The following PPP4R1 variants were observed in gnomAD, a reference collection of about 807,000 sequenced individuals.
The protein encoded by PPP4R1 is protein phosphatase 4 regulatory subunit 1.
A neutral mutation model predicts 111.2 loss-of-function variants in PPP4R1; 42 were observed. The ratio of observed to expected loss-of-function variants is 0.38; its 90% CI spans 0.29 to 0.49. The LOEUF is 0.49. Ranked by LOEUF, PPP4R1 falls within the 20% of genes least tolerant of loss-of-function variation. The pLI, the probability that PPP4R1 is intolerant of heterozygous loss-of-function variation, is 0.97. For missense variants in PPP4R1, 1,012 were observed against 1,161.6 expected (o/e 0.87, Z 1.87); for synonymous variants, 409 against 405.5 (o/e 1.01, Z -0.10).
intron 10 of PPP4R1, among the ~76,000 whole-genome samples, chr18:9,572,752 TCA>T (rs1354213408): frequency 6.6e-6 from 1 of 152,212 alleles, no homozygotes. Flanking sequence ...ACCATTATTT[TCA>T]CAAACAGGTG....
chr18:9,608,232 T>C lies in PPP4R1; in HGVS notation c.52+5994A>G, dbSNP rs2067517692. Among the ~76,000 whole-genome samples the C allele has an allele frequency of 2.0e-5, 3 of 152,158 alleles. 1 individual carries two copies. Among genetic ancestry groups the C allele is most frequent in the South Asian group, 4.1e-4 (2 of 4,822 alleles). On this transcript the variant is annotated intron_variant, in intron 2 of 19. Coordinates refer to ENST00000400556, the MANE Select transcript of PPP4R1 (RefSeq NM_001042388.3). ...AAACTGCAGATGATCCAAAAATCCA[T>C]CAACATTTTAAAGGTAGAAAGCTGA... is the stretch of plus-strand genomic sequence containing the variant.
intron 2 of PPP4R1, among the ~76,000 whole-genome samples, chr18:9,597,542 A>G (rs1317082646): frequency 6.6e-6 from 1 of 152,236 alleles, no homozygotes; most frequent in South Asian, 2.1e-4. Flanking sequence ...GATCAAGTGA[A>G]CGAATCCTCG....
chr18:9,615,983 G>C (rs1211916914), upstream of PPP4R1, among the ~76,000 whole-genome samples: 1 of 152,090 alleles, frequency 6.6e-6, no homozygotes, highest in Non-Finnish European at 1.5e-5. Context: ...ATAAAAATCA[G>C]AATAGACCCC....
chr18:9,552,582 G>T (rs1334743721), intron 16 of PPP4R1, among the ~76,000 whole-genome samples: 1 of 152,236 alleles, frequency 6.6e-6, no homozygotes, highest in Non-Finnish European at 1.5e-5. Flanking sequence ...ATGTAAAATG[G>T]TATAGCTGTT....
intron 2 of PPP4R1, among the ~76,000 whole-genome samples, chr18:9,611,286 A>G (rs2067574938): frequency 6.6e-6 from 1 of 151,966 alleles, no homozygotes; most frequent in Non-Finnish European, 1.5e-5. Flanking sequence ...TGGGCTCCAT[A>G]CTCTGGAGTT....
At chr18:9,598,393 A>G (rs1360656588) in intron 2 of PPP4R1, among the ~76,000 whole-genome samples, 5 of 152,228 alleles carry the variant, frequency 3.3e-5, no homozygotes. Flanking sequence ...AAATTGCTTA[A>G]AGCTAGTGAT....
At chr18:9,574,175 T>TC (rs2066903488) in intron 10 of PPP4R1, among the ~76,000 whole-genome samples, 1 of 152,168 alleles carries the variant, frequency 6.6e-6, no homozygotes, top group Admixed American at 6.5e-5. Flanking sequence ...TTATCCTGTC[T>TC]CCTAAGAGAC....
chr18:9,561,792 G>T (rs1163757035), intron 13 of PPP4R1, among the ~76,000 whole-genome samples, 188 bp downstream of exon 13: 1 of 152,150 alleles, frequency 6.6e-6, no homozygotes, highest in African/African-American at 2.4e-5. Context: ...GATCACAGAG[G>T]TAGAAAAGGG....
intron 2 of PPP4R1, chr18:9,612,545 G>T (rs2067599883): frequency 6.6e-6 from 1 of 152,190 alleles, no homozygotes; most frequent in African/African-American, 2.4e-5. Flanking sequence ...GGAAGAAACT[G>T]AGACTGCATT....
chr18:9,588,743 C>T lies in PPP4R1; in HGVS notation c.406G>A (p.Val136Met). 2 of 1,613,186 alleles carry T rather than the reference C, an allele frequency of 1.2e-6. No homozygotes were observed. The highest frequency in any genetic ancestry group is 1.7e-6 in the Non-Finnish European group (2 of 1,179,296). ...TTCTGATCTGCAAGGTATCTAACCACAATAGGTAGTAAGAATTTTGAAAAA... is the reference window on the plus strand; with the variant it reads ...TTCTGATCTGCAAGGTATCTAACCATAATAGGTAGTAAGAATTTTGAAAAA... ...YAFSKFLLPI[V>M]VRYLADQNNQ... Residue 136 changes from valine to methionine, a missense_variant, in exon 5 of 20, where the codon GTG (valine) becomes ATG (methionine). Transcript: ENST00000400556.
chr18:9,581,634 G>C (rs2067031739), intron 9 of PPP4R1, among the ~76,000 whole-genome samples: 2 of 151,968 alleles, frequency 1.3e-5, no homozygotes, highest in Non-Finnish European at 1.5e-5. Flanking sequence ...TAGAGGGAGA[G>C]AAGAGAGAAG....
At chr18:9,610,629 AT>A (rs138759213) in intron 2 of PPP4R1, among the ~76,000 whole-genome samples, 5 of 150,908 alleles carry the variant, frequency 3.3e-5, no homozygotes, top group African/African-American at 7.3e-5. Flanking sequence ...CGCCCAGTTA[AT>A]TTTTTTTTGT....
chr18:9,566,729 GC>G (rs2066773607), intron 11 of PPP4R1, among the ~76,000 whole-genome samples: 1 of 151,678 alleles, frequency 6.6e-6, no homozygotes, highest in African/African-American at 2.4e-5. Context: ...AAATCCTGGG[GC>G]CCTTAAGAAT....
chr18:9,582,593 A>T (rs148195805), intron 9 of PPP4R1, among the ~76,000 whole-genome samples: 204 of 152,294 alleles, frequency 1.3e-3, no homozygotes, highest in African/African-American at 4.7e-3. Context: ...ACTCAACCAA[A>T]CATTTAAGAG....
Position 9,588,204 on chromosome 18 carries a change from G to T in PPP4R1, c.470C>A (p.Ala157Asp). 1 of 1,614,002 alleles carries T rather than the reference G, an allele frequency of 6.2e-7. No homozygotes were observed. Among genetic ancestry groups the T allele is most frequent in the South Asian group, 1.1e-5 (1 of 91,046 alleles). ...VRKTSQAALLALLEQELIERF... is the reference protein window; with the variant it reads ...VRKTSQAALLDLLEQELIERF... ...TTCAATGAGCTCCTGCTCCAACAGA[G>T]CCAGCAAAGCTGCCTGACTTGTTTT... Residue 157 changes from alanine to aspartate, a missense_variant, in exon 6 of 20, where the codon GCT (alanine) becomes GAT (aspartate). Transcript: ENST00000400556.
At chr18:9,608,381 C>G (rs1459246887) in intron 2 of PPP4R1, among the ~76,000 whole-genome samples, 1 of 152,194 alleles carries the variant, frequency 6.6e-6, no homozygotes, top group Admixed American at 6.5e-5. Context: ...GAGGTATCTT[C>G]CAGAATGACT....
At chr18:9,599,299 A>C (rs1252308802) in intron 2 of PPP4R1, among the ~76,000 whole-genome samples, 1 of 152,238 alleles carries the variant, frequency 6.6e-6, no homozygotes, top group Non-Finnish European at 1.5e-5. Context: ...AAAGGTAAAA[A>C]TGCATATTAA....
intron 14 of PPP4R1, 69 bp downstream of exon 14, chr18:9,559,350 G>A: frequency 7.3e-7 from 1 of 1,365,810 alleles, no homozygotes; most frequent in African/African-American, 1.5e-5. Context: ...AAATTCTTTA[G>A]GTTACAAAAA....
chr18:9,583,224 C>T lies in PPP4R1; in HGVS notation c.811G>A (p.Ala271Thr), dbSNP rs761729386. The T allele has an allele frequency of 7.5e-6, 12 of 1,608,426 alleles. No individual in the cohort carries two copies. The South Asian group carries it at 1.2e-4, about 16-fold the overall frequency. Residue 271 changes from alanine (A) to threonine (T), a missense_variant, in exon 9 of 20, where the codon GCT (alanine) becomes ACT (threonine). Coordinates refer to ENST00000400556, the MANE Select transcript of PPP4R1 (RefSeq NM_001042388.3). ...CSDNVWGVRK[A>T]CAECFMAVSC... ...ACCGCCATGAAGCATTCAGCACAAG[C>T]CTTTCGGACTCCCCATACATTATCA...
Sources: gnomAD v4.1 joint callset for allele counts (sites outside exome capture counted in the v4.1 genomes callset) on GRCh38, gnomAD v4.1.1 for gene constraint, MANE v1.5 for transcripts, NCBI Gene and HGNC (gene_info 2026-07-23, HGNC 2026-07-21) for gene names.